ZC3H12B: variants seen among roughly 807,000 people sequenced by gnomAD.
ZC3H12B encodes probable ribonuclease ZC3H12B.
ZC3H12B carries 7 observed loss-of-function variants against 43.9 expected under a neutral mutation model. The observed-to-expected ratio is 0.16, with a 90% CI of 0.09 to 0.30. The LOEUF (loss-of-function observed/expected upper bound fraction) is 0.30. Among genes scored for constraint, ZC3H12B ranks in the 10% least tolerant of loss-of-function variants. The pLI, the probability that ZC3H12B is intolerant of heterozygous loss-of-function variation, is 1.00. For missense variants in ZC3H12B, 475 were observed against 670.2 expected (o/e 0.71, Z 3.22); for synonymous variants, 222 against 241.7 (o/e 0.92, Z 0.76).
the ZC3H12B span, among the ~76,000 whole-genome samples, chrX:65,158,348 A>G: frequency 9.0e-6 from 1 of 111,463 alleles, no homozygotes; most frequent in Non-Finnish European, 1.9e-5. Context: ...GAATCGCCAC[A>G]CTGACTTCCA....
the ZC3H12B span, among the ~76,000 whole-genome samples, chrX:65,157,741 C>G: frequency 9.6e-6 from 1 of 104,129 alleles, no homozygotes; most frequent in African/African-American, 4.0e-5. Flanking sequence ...TCTCTTTAAC[C>G]CACTTTTTCT....
the ZC3H12B span, among the ~76,000 whole-genome samples, chrX:65,098,286 T>A: frequency 9.1e-6 from 1 of 109,486 alleles, no homozygotes; most frequent in African/African-American, 3.4e-5. Flanking sequence ...TAGAAAATAA[T>A]GTTATTGTGT....
At chrX:65,164,539 AG>A in the ZC3H12B span, among the ~76,000 whole-genome samples, 1 of 111,533 alleles carries the variant, frequency 9.0e-6, no homozygotes, top group Non-Finnish European at 1.9e-5. Flanking sequence ...TCCCTGAGAA[AG>A]GAAGGAGGTT....
At chrX:65,055,689 A>G in the ZC3H12B span, among the ~76,000 whole-genome samples, 1 of 111,653 alleles carries the variant, frequency 9.0e-6, no homozygotes, top group Non-Finnish European at 1.9e-5. Context: ...TACCTCTGGT[A>G]GAATTCAGCT....
intron 3 of ZC3H12B, among the ~76,000 whole-genome samples, chrX:65,470,616 C>T (rs188672856): frequency 6.4e-4 from 71 of 110,699 alleles, no homozygotes; most frequent in Middle Eastern, 4.7e-3. Flanking sequence ...TGATTTTATT[C>T]GAAGAAATAC....
chrX:65,189,741 G>T, the ZC3H12B span, among the ~76,000 whole-genome samples: 3 of 110,088 alleles, frequency 2.7e-5, no homozygotes, highest in Admixed American at 1.9e-4. Context: ...CTCCCATTTT[G>T]TAAGTTGCCT....
rs747174957 is a variant in ZC3H12B, at chrX:65,399,698, G to C, written n.407+994G>C. ...CTGTTAGATATATACCCAAAAGAAA[G>C]TAAATCAGTATATCAAAAATATATC... is the stretch of plus-strand genomic sequence containing the variant. On this transcript the variant is annotated intron_variant and non_coding_transcript_variant, in intron 3 of 5. Transcript: ENST00000617377. Among the ~76,000 whole-genome samples the C allele has an allele frequency of 4.5e-5, 5 of 111,917 alleles. No homozygotes were observed. The East Asian group carries it at 1.1e-3, about 25-fold the overall frequency.
chrX:65,225,714 A>T, the ZC3H12B span, among the ~76,000 whole-genome samples: 1 of 112,430 alleles, frequency 8.9e-6, no homozygotes, highest in Non-Finnish European at 1.9e-5. Flanking sequence ...AGGCTCGAGA[A>T]CTACATGAAG....
At chrX:65,328,450 T>A in the ZC3H12B span, 1 of 265,721 alleles carries the variant, frequency 3.8e-6, no homozygotes, top group Admixed American at 4.3e-5. Context: ...AGTCACCAAC[T>A]AGCCATAGTT....
the ZC3H12B span, among the ~76,000 whole-genome samples, chrX:65,092,855 C>A: frequency 8.9e-6 from 1 of 112,002 alleles, no homozygotes; most frequent in Non-Finnish European, 1.9e-5. Context: ...ATGGCAGCTG[C>A]AGAAATTTGC....
At chrX:65,351,345 G>A in the ZC3H12B span, among the ~76,000 whole-genome samples, 1 of 111,701 alleles carries the variant, frequency 9.0e-6, no homozygotes, top group Non-Finnish European at 1.9e-5. Flanking sequence ...TGACTTAAAA[G>A]ACCTAGGACT....
the ZC3H12B span, among the ~76,000 whole-genome samples, chrX:65,237,691 C>T: frequency 9.0e-6 from 1 of 110,870 alleles, no homozygotes; most frequent in Non-Finnish European, 1.9e-5. Flanking sequence ...ATGATATTGG[C>T]TGTGGGTTTC....
At chrX:65,334,133 T>C in the ZC3H12B span, among the ~76,000 whole-genome samples, 7 of 112,359 alleles carry the variant, frequency 6.2e-5, no homozygotes, top group Non-Finnish European at 1.3e-4. Flanking sequence ...TTAATCAGTA[T>C]GACTGTAGTT....
the ZC3H12B span, among the ~76,000 whole-genome samples, chrX:65,195,822 C>T: frequency 8.0e-5 from 9 of 112,372 alleles, no homozygotes; most frequent in African/African-American, 2.6e-4. Flanking sequence ...ACTTTACTGC[C>T]TCCTACTCAG....
At chrX:65,290,330 A>G in the ZC3H12B span, among the ~76,000 whole-genome samples, 1 of 111,239 alleles carries the variant, frequency 9.0e-6, no homozygotes, top group Admixed American at 9.6e-5. Context: ...CAAAACAAAA[A>G]CAAAAAACAC....
the ZC3H12B span, among the ~76,000 whole-genome samples, chrX:65,257,876 T>G: frequency 9.0e-6 from 1 of 110,608 alleles, no homozygotes; most frequent in East Asian, 2.9e-4. Flanking sequence ...GTTTCAAAAT[T>G]GAATCAGTAA....
At chrX:65,464,148 G>A (rs986850736) in intron 3 of ZC3H12B, among the ~76,000 whole-genome samples, 3 of 112,385 alleles carry the variant, frequency 2.7e-5, no homozygotes, top group Non-Finnish European at 3.8e-5. Flanking sequence ...AATGGGAGAT[G>A]TGTTAACCTG....
chrX:65,065,251 A>G, the ZC3H12B span, among the ~76,000 whole-genome samples: 1 of 111,255 alleles, frequency 9.0e-6, no homozygotes, highest in African/African-American at 3.3e-5. Context: ...AGTCTTTACA[A>G]TTTGGTATAT....
At chrX:65,342,832 T>A in the ZC3H12B span, among the ~76,000 whole-genome samples, 1 of 85,710 alleles carries the variant, frequency 1.2e-5, no homozygotes, top group Non-Finnish European at 2.1e-5. Context: ...TGCAGGAGAC[T>A]GAGACAAAAA....
Sources: gnomAD v4.1 joint callset for allele counts (sites outside exome capture counted in the v4.1 genomes callset) on GRCh38, gnomAD v4.1.1 for gene constraint, MANE v1.5 for transcripts, NCBI Gene and HGNC (gene_info 2026-07-23, HGNC 2026-07-21) for gene names.